The following NCALD variants were observed in gnomAD, a reference collection of about 807,000 sequenced individuals.
NCALD encodes the protein neurocalcin-delta.
Under a neutral mutation model 18.6 loss-of-function variants are expected in NCALD, and 10 were observed. The observed-to-expected ratio is 0.54, with a 90% CI of 0.33 to 0.91. The LOEUF is 0.91. NCALD is among the 40% of genes least tolerant of loss of function. NCALD has a pLI of 0.03. For synonymous variants in NCALD, 88 were observed against 87.4 expected (o/e 1.01, Z -0.04); for missense variants, 184 against 247.6 (o/e 0.74, Z 1.72).
intron 1 of NCALD, among the ~76,000 whole-genome samples, chr8:101,781,192 A>G (rs1429441248): frequency 6.6e-6 from 1 of 152,100 alleles, no homozygotes; most frequent in Admixed American, 6.6e-5. Flanking sequence ...AAATATATAT[A>G]TATACCCTGA....
At chr8:101,853,192 C>T (rs1264952) in intron 4 of NCALD, among the ~76,000 whole-genome samples, 56,299 of 151,838 alleles carry the variant, frequency 0.37, 13,129 homozygotes, top group African/African-American at 0.66. Flanking sequence ...CCATAAAGTA[C>T]TTTCAATGCT....
At chr8:102,046,957 C>T (rs1823267276) in intron 1 of NCALD, among the ~76,000 whole-genome samples, 1 of 152,168 alleles carries the variant, frequency 6.6e-6, no homozygotes, top group South Asian at 2.1e-4. Context: ...ACCTTTTCCG[C>T]TCCTCTCCCT....
rs1206266756 is a variant in NCALD, at chr8:101,928,198, G to A, written c.-156-12340C>T. 2.0e-5 allele frequency among the ~76,000 whole-genome samples: 3 copies of A among 152,172 alleles called. No individual in the cohort carries two copies. In the East Asian group the frequency reaches 5.8e-4, roughly 29 times the overall value. On this transcript the variant is annotated intron_variant, in intron 2 of 6. Coordinates refer to the NCALD transcript ENST00000311028. The stretch of plus-strand genomic sequence containing the variant: ...GATCGCGCGATGTAGAGATTATGAT[G>A]CTCATCTTCTAGGAAAATGAAGCTT...
At chr8:101,951,484 C>A (rs1223163645) in intron 2 of NCALD, among the ~76,000 whole-genome samples, 1 of 152,130 alleles carries the variant, frequency 6.6e-6, no homozygotes, top group East Asian at 1.9e-4. Flanking sequence ...AGAGGCTGGA[C>A]TAAAGCTGAG....
At chr8:101,733,738 T>G (rs1330237171) in intron 1 of NCALD, among the ~76,000 whole-genome samples, 1 of 152,174 alleles carries the variant, frequency 6.6e-6, no homozygotes, top group African/African-American at 2.4e-5. Context: ...AGAACCACTG[T>G]TGGCTTCCAG....
chr8:101,734,261 A>G lies in NCALD; in HGVS notation c.-19-14613T>C, dbSNP rs1426884591. Among the ~76,000 whole-genome samples the G allele has an allele frequency of 2.0e-5, 3 of 152,094 alleles. No homozygotes were observed. In the East Asian group the frequency reaches 5.8e-4, roughly 29 times the overall value. ...ATTTTCTAAACGTTCTCATTGCCCT[A>G]ATTCCTACACACTCACCCTGCAGAT... is the stretch of plus-strand genomic sequence containing the variant. On this transcript the variant is annotated intron_variant, in intron 1 of 3. Coordinates refer to ENST00000220931, the MANE Select transcript of NCALD (RefSeq NM_032041.3).
intron 1 of NCALD, among the ~76,000 whole-genome samples, chr8:102,106,462 TATATACACACACAC>T (rs1214658197): frequency 2.1e-5 from 3 of 142,466 alleles, no homozygotes; most frequent in Non-Finnish European, 3.0e-5. Context: ...TATATATATA[TATATACACACACAC>T]ACACACACAC....
At chr8:102,111,193 A>G (rs570934591) in intron 1 of NCALD, among the ~76,000 whole-genome samples, 32 of 152,298 alleles carry the variant, frequency 2.1e-4, no homozygotes, top group African/African-American at 6.7e-4. Context: ...CCAAAGGTCC[A>G]GGGAACATAT....
At chr8:101,961,635 G>A (rs1293943235) in intron 2 of NCALD, among the ~76,000 whole-genome samples, 1 of 152,120 alleles carries the variant, frequency 6.6e-6, no homozygotes, top group Non-Finnish European at 1.5e-5. Context: ...TCACTATGTT[G>A]TCCAGGCTGG....
At chr8:102,122,441 A>C (rs985894978) in intron 1 of NCALD, among the ~76,000 whole-genome samples, 1 of 152,216 alleles carries the variant, frequency 6.6e-6, no homozygotes, top group African/African-American at 2.4e-5. Flanking sequence ...CTGGAGTAAG[A>C]CGGTCCTGAT....
chr8:101,848,770 G>T (rs1414594112), intron 4 of NCALD, among the ~76,000 whole-genome samples: 1 of 152,066 alleles, frequency 6.6e-6, no homozygotes, highest in Admixed American at 6.6e-5. Context: ...ATTCAGCCTG[G>T]AATATGTTGT....
chr8:101,818,475 T>C (rs1057231991), intron 4 of NCALD, among the ~76,000 whole-genome samples: 9 of 152,306 alleles, frequency 5.9e-5, no homozygotes, highest in Middle Eastern at 3.4e-3. Context: ...ATGTAAGAGC[T>C]GACACTCAAT....
intron 2 of NCALD, among the ~76,000 whole-genome samples, chr8:101,958,390 A>G (rs541937686): frequency 6.6e-6 from 1 of 152,250 alleles, no homozygotes; most frequent in South Asian, 2.1e-4. Context: ...AATTGGTCAC[A>G]TAAACTGAAG....
At chr8:101,856,141 T>C (rs1815309878) in intron 4 of NCALD, among the ~76,000 whole-genome samples, 1 of 152,080 alleles carries the variant, frequency 6.6e-6, no homozygotes, top group African/African-American at 2.4e-5. Flanking sequence ...ATCTTACCTG[T>C]CTCTTGTTTC....
chr8:102,045,110 T>C (rs1332797591), intron 1 of NCALD, among the ~76,000 whole-genome samples: 1 of 152,250 alleles, frequency 6.6e-6, no homozygotes, highest in Non-Finnish European at 1.5e-5. Context: ...AATGCACTGC[T>C]GCCATGAGAC....
chr8:101,695,201 G>C (rs916969230), intron 2 of NCALD, among the ~76,000 whole-genome samples: 8 of 152,226 alleles, frequency 5.3e-5, no homozygotes, highest in Admixed American at 5.2e-4. Flanking sequence ...TTAAAGGAGA[G>C]CGCATGGAGC....
intron 2 of NCALD, among the ~76,000 whole-genome samples, chr8:101,991,906 G>T (rs938607488): frequency 1.3e-5 from 2 of 152,176 alleles, no homozygotes; most frequent in African/African-American, 4.8e-5. Flanking sequence ...CCTCAGAAAG[G>T]TGTCTCACTG....
chr8:102,089,668 TA>T (rs541530049), intron 1 of NCALD, among the ~76,000 whole-genome samples: 56 of 148,168 alleles, frequency 3.8e-4, no homozygotes, highest in African/African-American at 5.7e-4. Flanking sequence ...GTGTTTTTGG[TA>T]AAAAAAAAAA....
At position 102,111,927 on chromosome 8, in the gene NCALD, C is replaced by T. The variant is rs1825653774; in HGVS notation, c.-210+12310G>A. Among the ~76,000 whole-genome samples the T allele has an allele frequency of 2.6e-5, 4 of 152,268 alleles. No individual in the cohort carries two copies. In the South Asian group the frequency reaches 8.3e-4, roughly 32 times the overall value. On this transcript the variant is annotated intron_variant, in intron 1 of 6. Transcript: ENST00000311028. The stretch of plus-strand genomic sequence containing the variant: ...TGAACATTTGAATTATGGGTGATAA[C>T]ACTACAGTTATGTGCCTAAAACTGC...
Sources: allele counts gnomAD v4.1 joint callset (sites outside exome capture counted in the v4.1 genomes callset), GRCh38; gene constraint gnomAD v4.1.1; transcripts MANE v1.5; gene names NCBI Gene and HGNC (gene_info 2026-07-23, HGNC 2026-07-21).